Variants in GTF2IRD1 observed in about 807,000 individuals in gnomAD.
The protein encoded by GTF2IRD1 is general transcription factor II-I repeat domain-containing protein 1.
In GTF2IRD1, 26 loss-of-function variants were observed where a neutral mutation model predicts 113.2. The observed-to-expected ratio is 0.23, with a 90% CI of 0.17 to 0.32. The LOEUF (loss-of-function observed/expected upper bound fraction) is 0.32, where lower values mean the gene tolerates loss of function less well. Ranked by LOEUF, GTF2IRD1 falls within the 10% of genes least tolerant of loss-of-function variation. The pLI, the probability that GTF2IRD1 is intolerant of heterozygous loss-of-function variation, is 1.00. For missense variants in GTF2IRD1, 864 were observed against 1,280.8 expected (o/e 0.67, Z 4.97); for synonymous variants, 484 against 529.1 (o/e 0.91, Z 1.17).
chr7:74,466,487 G>T (rs960569196), intron 1 of GTF2IRD1, among the ~76,000 whole-genome samples: 2 of 152,108 alleles, frequency 1.3e-5, no homozygotes, highest in South Asian at 4.1e-4. Flanking sequence ...GTGTCTCTCT[G>T]TGCCAGCCAC....
At chr7:74,485,285 A>G (rs1213359894) in intron 1 of GTF2IRD1, among the ~76,000 whole-genome samples, 3 of 152,216 alleles carry the variant, frequency 2.0e-5, no homozygotes, top group African/African-American at 7.2e-5. Context: ...TGGACAGTGG[A>G]ATTCATCAGA....
chr7:74,602,248 A>G lies in GTF2IRD1; in HGVS notation c.2767-117A>G, dbSNP rs184647845. On this transcript the variant is annotated intron_variant, in intron 26 of 26. Coordinates refer to ENST00000424337, the MANE Select transcript of GTF2IRD1 (RefSeq NM_005685.4). ...AAGAGTGAAACTCCATCTCAAAAAA[A>G]TAAAAAATATAAATAAATAGCCTCT... 785 of 1,307,370 alleles carry G rather than the reference A, an allele frequency of 6.0e-4. 7 individuals carry two copies. Among genetic ancestry groups the G allele is most frequent in the Middle Eastern group, 4.9e-3 (23 of 4,662 alleles). 81.0% of individuals were successfully genotyped at this position (1,307,370 alleles called of 1,614,324 possible).
rs2130676043 is a variant in GTF2IRD1 at position 74,547,227 on chromosome 7, G to A, written c.1857G>A (p.Gly619=). 6.2e-7 allele frequency: 1 copy of A among 1,613,468 alleles called. No individual in the cohort carries two copies. The highest frequency in any genetic ancestry group is 8.5e-7 in the Non-Finnish European group (1 of 1,179,858). Residue 619 remains glycine (G), a synonymous_variant, in exon 17 of 27, where the codon GGG becomes GGA. Coordinates refer to ENST00000424337, the MANE Select transcript of GTF2IRD1 (RefSeq NM_005685.4). ...CCCTCCGCAGGCCCAACTGCTTCGG[G>A]ATCGCCAAGCTCCGGAAGATTCTGG... ...GISLRRPNCF[G]IAKLRKILEA...
At chr7:74,493,135 G>T (rs1257986082) in intron 1 of GTF2IRD1, among the ~76,000 whole-genome samples, 1 of 148,502 alleles carries the variant, frequency 6.7e-6, no homozygotes. Flanking sequence ...TTGAGATAGG[G>T]GTCTCACTGT....
rs146430336 is a variant in GTF2IRD1 at position 74,597,694 on chromosome 7, C to T, written c.2629+2643C>T. Among the ~76,000 whole-genome samples the T allele has an allele frequency of 6.1e-3, 932 of 152,280 alleles. 3 individuals are homozygous for T. The highest frequency in any genetic ancestry group is 0.024 in the Middle Eastern group (7 of 294). ...AAAAAAGAAGAAGAAAGAAAAAATA[C>T]TGATCTAATCTTACCCCACCTCATT... is the stretch of plus-strand genomic sequence containing the variant. On this transcript the variant is annotated intron_variant, in intron 25 of 26. Transcript: ENST00000424337.
At position 74,592,266 on chromosome 7, in the gene GTF2IRD1, AT is replaced by A. The variant is rs781794322; in HGVS notation, c.2591+1259del. On this transcript the variant is annotated intron_variant, in intron 24 of 26. Coordinates refer to ENST00000424337, the MANE Select transcript of GTF2IRD1 (RefSeq NM_005685.4). ...AGGCACACGCTACCACACCTGGCTAATTTTTTTTTTGTATTTTTAGTAGAGA... is the reference window on the plus strand; with the variant it reads ...AGGCACACGCTACCACACCTGGCTAATTTTTTTTTGTATTTTTAGTAGAGA... Among the ~76,000 whole-genome samples the A allele has an allele frequency of 8.4e-3, 1,232 of 146,334 alleles. 8 individuals are homozygous for A. Among genetic ancestry groups the A allele is most frequent in the Middle Eastern group, 0.015 (4 of 270 alleles).
At chr7:74,524,841 G>C (rs1203382835) in intron 8 of GTF2IRD1, among the ~76,000 whole-genome samples, 1 of 152,170 alleles carries the variant, frequency 6.6e-6, no homozygotes, top group African/African-American at 2.4e-5. Flanking sequence ...CTTCAGCCTG[G>C]TGACACAGTG....
At chr7:74,596,184 G>A (rs587741914) in intron 25 of GTF2IRD1, among the ~76,000 whole-genome samples, 1 of 152,018 alleles carries the variant, frequency 6.6e-6, no homozygotes, top group South Asian at 2.1e-4. Flanking sequence ...AATCAGGGCC[G>A]GGCGCGGTGG....
chr7:74,551,392 A>G (rs1202312339), intron 17 of GTF2IRD1, among the ~76,000 whole-genome samples: 5 of 152,160 alleles, frequency 3.3e-5, no homozygotes, highest in Non-Finnish European at 7.3e-5. Context: ...AAAGAGACAA[A>G]CAAACTAAAA....
chr7:74,507,957 C>T, intron 1 of GTF2IRD1, 118 bp from the exon 2 acceptor site: 1 of 1,165,814 alleles, frequency 8.6e-7, no homozygotes, highest in Non-Finnish European at 1.2e-6. Flanking sequence ...GAAGGTCAGC[C>T]CTGGATACAG....
intron 8 of GTF2IRD1, among the ~76,000 whole-genome samples, chr7:74,527,484 G>C (rs1797671113): frequency 6.6e-6 from 1 of 151,906 alleles, no homozygotes; most frequent in Non-Finnish European, 1.5e-5. Context: ...GCAAGACCCT[G>C]TCTCTGAAAA....
intron 1 of GTF2IRD1, among the ~76,000 whole-genome samples, chr7:74,486,808 C>G (rs77617529): frequency 7.7e-6 from 1 of 129,600 alleles, no homozygotes; most frequent in Non-Finnish European, 1.7e-5. Context: ...CATGTCTCTA[C>G]AAAAAAAAAA....
At chr7:74,550,680 G>A (rs1284878830) in intron 17 of GTF2IRD1, among the ~76,000 whole-genome samples, 1 of 152,020 alleles carries the variant, frequency 6.6e-6, no homozygotes, top group Non-Finnish European at 1.5e-5. Context: ...GGCCCAGATA[G>A]GAGGATCGCT....
At chr7:74,583,677 G>C (rs1435080213) in intron 22 of GTF2IRD1, among the ~76,000 whole-genome samples, 2 of 152,000 alleles carry the variant, frequency 1.3e-5, no homozygotes, top group African/African-American at 4.8e-5. Flanking sequence ...AATTGCCATA[G>C]TATCCTATCG....
chr7:74,471,869 G>A (rs1488496555), intron 1 of GTF2IRD1, among the ~76,000 whole-genome samples: 1 of 151,936 alleles, frequency 6.6e-6, no homozygotes, highest in Non-Finnish European at 1.5e-5. Context: ...GTGGGTGCCT[G>A]TAATCCCAGC....
At chr7:74,581,954 C>A (rs587695403) in intron 22 of GTF2IRD1, among the ~76,000 whole-genome samples, 2 of 152,328 alleles carry the variant, frequency 1.3e-5, no homozygotes, top group Admixed American at 1.3e-4. Context: ...TTACAGTGAG[C>A]TGAGATTGCT....
chr7:74,591,872 G>A (rs1380609597), intron 24 of GTF2IRD1, among the ~76,000 whole-genome samples: 7 of 149,334 alleles, frequency 4.7e-5, no homozygotes, highest in Admixed American at 6.7e-5. Context: ...CTCCCACCTC[G>A]GCCTCCCAAA....
At chr7:74,455,951 A>C (rs141786647) in intron 1 of GTF2IRD1, among the ~76,000 whole-genome samples, 22 of 152,342 alleles carry the variant, frequency 1.4e-4, no homozygotes, top group African/African-American at 4.8e-4. Flanking sequence ...CTGGGTCTTG[A>C]AGACAGCTTT....
In GTF2IRD1 at chr7:74,519,548, ACCT is replaced by A. The variant is rs1797142105; in HGVS notation, c.754_756del (p.Ser252del). Reference sequence around the variant, plus strand: ...ACCCCAGGACCTGCCCCCAACCGCCACCTCCTCCTCCATGGCCAGCTTCCTGTA... The same window carrying A: ...ACCCCAGGACCTGCCCCCAACCGCCACCTCCTCCATGGCCAGCTTCCTGTA... On this transcript the variant is annotated inframe_deletion, in exon 6 of 27. Transcript: ENST00000424337. 1 of 1,603,414 alleles carries A rather than the reference ACCT, an allele frequency of 6.2e-7. No homozygotes were observed. Among genetic ancestry groups the A allele is most frequent in the Admixed American group, 1.7e-5 (1 of 59,044 alleles).
Sources: allele counts gnomAD v4.1 joint callset (sites outside exome capture counted in the v4.1 genomes callset), GRCh38; gene constraint gnomAD v4.1.1; transcripts MANE v1.5; gene names NCBI Gene and HGNC (gene_info 2026-07-23, HGNC 2026-07-21).